MECOM: variants seen among roughly 807,000 people sequenced by gnomAD.
MECOM encodes MDS1 and EVI1 complex locus.
Under a neutral mutation model 116.3 loss-of-function variants are expected in MECOM, and 13 were observed. The observed-to-expected ratio is 0.11, with a 90% confidence interval of 0.07 to 0.18. The LOEUF is 0.18. Ranked by LOEUF, MECOM falls within the 10% of genes least tolerant of loss-of-function variation. The pLI, the probability that MECOM is intolerant of heterozygous loss-of-function variation, is 1.00. For synonymous variants in MECOM, 528 were observed against 535.2 expected (o/e 0.99, Z 0.19); for missense variants, 1,299 against 1,509.0 (o/e 0.86, Z 2.31).
chr3:169,107,990 C>T, intron 9 of MECOM, 38 bp from the exon 10 acceptor site: 1 of 1,586,188 alleles, frequency 6.3e-7, no homozygotes, highest in Non-Finnish European at 8.7e-7. Context: ...AAAATTACTT[C>T]TGTGTTGGTA....
chr3:169,248,906 T>C (rs1755919392), intron 2 of MECOM, among the ~76,000 whole-genome samples: 1 of 152,078 alleles, frequency 6.6e-6, no homozygotes, highest in East Asian at 1.9e-4. Flanking sequence ...TGTAAGGAAA[T>C]GTATTTCTGT....
intron 2 of MECOM, among the ~76,000 whole-genome samples, chr3:169,225,449 G>A (rs1170991713): frequency 6.6e-6 from 1 of 152,140 alleles, no homozygotes; most frequent in Non-Finnish European, 1.5e-5. Context: ...TATGAGAAAA[G>A]AAACCCTGTC....
At chr3:169,400,201 C>CT (rs879613805) in intron 1 of MECOM, among the ~76,000 whole-genome samples, 2 of 152,146 alleles carry the variant, frequency 1.3e-5, no homozygotes, top group Non-Finnish European at 2.9e-5. Flanking sequence ...CTCCCACCTC[C>CT]TTTTTTTAAC....
At chr3:169,260,199 G>A (rs1365927346) in intron 2 of MECOM, among the ~76,000 whole-genome samples, 1 of 152,086 alleles carries the variant, frequency 6.6e-6, no homozygotes, top group African/African-American at 2.4e-5. Context: ...AAAAGCTTTA[G>A]TTATATTGGT....
At chr3:169,414,467 T>A (rs553910994) in intron 1 of MECOM, among the ~76,000 whole-genome samples, 15 of 152,074 alleles carry the variant, frequency 9.9e-5, no homozygotes, top group Non-Finnish European at 2.1e-4. Flanking sequence ...AAAACCAGAA[T>A]GCCCATTCTC....
intron 2 of MECOM, among the ~76,000 whole-genome samples, chr3:169,233,060 C>T (rs1753607887): frequency 6.6e-6 from 1 of 152,044 alleles, no homozygotes; most frequent in African/African-American, 2.4e-5. Context: ...CAGGGCCTGT[C>T]TCCCAGTCAG....
chr3:169,525,734 G>T (rs1285526811), intron 1 of MECOM, among the ~76,000 whole-genome samples: 3 of 152,152 alleles, frequency 2.0e-5, no homozygotes, highest in Non-Finnish European at 2.9e-5. Flanking sequence ...CTTTGTAAAA[G>T]GTGGCTGGAT....
At chr3:169,461,757 C>T (rs1747484079) in intron 1 of MECOM, among the ~76,000 whole-genome samples, 1 of 152,114 alleles carries the variant, frequency 6.6e-6, no homozygotes, top group South Asian at 2.1e-4. Context: ...AAACACCTAG[C>T]TGATAAAGTA....
chr3:169,651,701 G>A (rs1320144306), intron 1 of MECOM, among the ~76,000 whole-genome samples: 4 of 151,748 alleles, frequency 2.6e-5, no homozygotes, highest in African/African-American at 9.7e-5. Flanking sequence ...TCAGATGATG[G>A]GTGCACCAAA....
At chr3:169,158,947 C>A (rs149557332) in intron 2 of MECOM, among the ~76,000 whole-genome samples, 2,973 of 152,210 alleles carry the variant, frequency 0.02, 72 homozygotes, top group Admixed American at 0.043. Context: ...ATTCAACTCT[C>A]GAATCACCCG....
At chr3:169,211,887 C>G (rs890790836) in intron 2 of MECOM, among the ~76,000 whole-genome samples, 1 of 152,036 alleles carries the variant, frequency 6.6e-6, no homozygotes, top group African/African-American at 2.4e-5. Flanking sequence ...TTCCTTAGTA[C>G]GGAACTTTTG....
At chr3:169,320,419 T>C (rs936769194) in intron 2 of MECOM, among the ~76,000 whole-genome samples, 1 of 152,114 alleles carries the variant, frequency 6.6e-6, no homozygotes, top group Admixed American at 6.5e-5. Flanking sequence ...TGACGTAAGG[T>C]CCCTGAGGAG....
chr3:169,084,852 T>C lies in MECOM; in HGVS notation c.*57A>G. ...CTCAGCAGTCTTGTAAATAGTCCTA[T>C]ATGAAAGAGCCATGCTACTGTTGGA... On this transcript the variant is annotated 3_prime_UTR_variant, in exon 17 of 17. Transcript: ENST00000651503. 2 of 1,607,456 alleles carry C rather than the reference T, an allele frequency of 1.2e-6. No homozygotes were observed. The highest frequency in any genetic ancestry group is 1.1e-5 in the South Asian group (1 of 90,404).
At chr3:169,659,401 G>C (rs1032783658) in intron 1 of MECOM, among the ~76,000 whole-genome samples, 2 of 142,548 alleles carry the variant, frequency 1.4e-5, no homozygotes, top group African/African-American at 5.2e-5. Context: ...GGAGATGAGG[G>C]AAGAATGAAA....
chr3:169,521,655 T>C (rs554171270), intron 1 of MECOM, among the ~76,000 whole-genome samples: 19 of 152,304 alleles, frequency 1.2e-4, no homozygotes, highest in African/African-American at 3.8e-4. Flanking sequence ...TTGGGCTCTT[T>C]ACCAAACCTA....
At chr3:169,614,051 A>C (rs1240593053) in intron 1 of MECOM, among the ~76,000 whole-genome samples, 1 of 151,906 alleles carries the variant, frequency 6.6e-6, no homozygotes, top group African/African-American at 2.4e-5. Context: ...ATTTCACCAT[A>C]AGATTCTTCA....
intron 1 of MECOM, among the ~76,000 whole-genome samples, chr3:169,605,415 C>A (rs1195954405): frequency 1.3e-5 from 2 of 152,134 alleles, no homozygotes; most frequent in Non-Finnish European, 2.9e-5. Context: ...TTTCTGTAGG[C>A]ACAGGGGTAA....
intron 2 of MECOM, among the ~76,000 whole-genome samples, chr3:169,161,308 G>C (rs1268112227): frequency 1.3e-5 from 2 of 152,090 alleles, no homozygotes; most frequent in Non-Finnish European, 2.9e-5. Flanking sequence ...GCTGGCAATG[G>C]CAGCTGAGCC....
intron 2 of MECOM, among the ~76,000 whole-genome samples, chr3:169,152,722 A>G (rs911914496): frequency 6.6e-6 from 1 of 152,192 alleles, no homozygotes; most frequent in Non-Finnish European, 1.5e-5. Flanking sequence ...CTTCATAAAT[A>G]GACATGGTGA....
Sources: allele counts gnomAD v4.1 joint callset (sites outside exome capture counted in the v4.1 genomes callset), GRCh38; gene constraint gnomAD v4.1.1; transcripts MANE v1.5; gene names NCBI Gene and HGNC (gene_info 2026-07-23, HGNC 2026-07-21).